Variants in ST18 observed in about 807,000 individuals in gnomAD.
ST18 encodes the protein ST18 C2H2C-type zinc finger transcription factor.
In ST18, 50 loss-of-function variants were observed where a neutral mutation model predicts 110.0. That is an observed-to-expected ratio of 0.45 (90% CI 0.36 to 0.58). The LOEUF is 0.58. Among genes scored for constraint, ST18 ranks in the 20% least tolerant of loss-of-function variants. The pLI is 0.00. For missense variants in ST18, 1,306 were observed against 1,280.1 expected, an observed-to-expected ratio of 1.02 and a Z score of -0.31; for synonymous variants, 461 against 452.4, an observed-to-expected ratio of 1.02 and a Z score of -0.24.
chr8:52,274,532 T>C (rs2095175727), intron 2 of ST18, among the ~76,000 whole-genome samples: 2 of 141,218 alleles, frequency 1.4e-5, no homozygotes, highest in Non-Finnish European at 2.9e-5. Flanking sequence ...AGTTTCTTTT[T>C]TTCGTTCTGT....
At chr8:52,326,218 A>G (rs570461788) in intron 2 of ST18, among the ~76,000 whole-genome samples, 2 of 152,322 alleles carry the variant, frequency 1.3e-5, no homozygotes, top group East Asian at 3.9e-4. Context: ...CGATCTTACC[A>G]TGGAGTCTCA....
chr8:52,135,181 T>C (rs1245990473), intron 19 of ST18, among the ~76,000 whole-genome samples: 6 of 152,216 alleles, frequency 3.9e-5, no homozygotes, highest in Non-Finnish European at 4.4e-5. Flanking sequence ...AGTCTCTACT[T>C]ACTACTTATA....
At chr8:52,339,048 G>A (rs958484961) in intron 2 of ST18, among the ~76,000 whole-genome samples, 3 of 152,102 alleles carry the variant, frequency 2.0e-5, no homozygotes, top group African/African-American at 7.2e-5. Flanking sequence ...TTGCAAAGTG[G>A]CTGGGTTCTC....
chr8:52,116,685 A>G (rs929341668), intron 24 of ST18, among the ~76,000 whole-genome samples: 3 of 152,200 alleles, frequency 2.0e-5, no homozygotes, highest in African/African-American at 7.2e-5. Flanking sequence ...CAAACTCAAC[A>G]TGTTTAAAGT....
At chr8:52,296,145 C>T (rs1031566979) in intron 2 of ST18, among the ~76,000 whole-genome samples, 4 of 152,070 alleles carry the variant, frequency 2.6e-5, no homozygotes, top group Non-Finnish European at 5.9e-5. Context: ...TAGTGCAATG[C>T]TGGGGGGAAG....
chr8:52,216,893 G>A (rs913220064), intron 6 of ST18, among the ~76,000 whole-genome samples: 7 of 152,190 alleles, frequency 4.6e-5, no homozygotes, highest in Non-Finnish European at 1.0e-4. Context: ...GTCAGTGTGT[G>A]TGTTCAGGCC....
chr8:52,212,736 T>C (rs1429574157), intron 7 of ST18, among the ~76,000 whole-genome samples: 1 of 152,144 alleles, frequency 6.6e-6, no homozygotes, highest in Admixed American at 6.5e-5. Flanking sequence ...AGACAACAGG[T>C]GGTTTTAAAG....
chr8:52,239,827 TC>T (rs1338893020), intron 2 of ST18, among the ~76,000 whole-genome samples: 2 of 152,084 alleles, frequency 1.3e-5, no homozygotes, highest in Non-Finnish European at 2.9e-5. Context: ...CAGGTCTCAC[TC>T]TGTCACCCAG....
In ST18 at chr8:52,123,961, CT is replaced by C. The variant is rs1482506253; in HGVS notation, c.2755+2090del. ...TCATAAGAAATATTTTCTTCATGCACTGGGTTCCAGAAGGAGTTTTGCTCTG... is the reference window on the plus strand; with the variant it reads ...TCATAAGAAATATTTTCTTCATGCACGGGTTCCAGAAGGAGTTTTGCTCTG... On this transcript the variant is annotated intron_variant, in intron 23 of 25. Transcript: ENST00000689386. Among the ~76,000 whole-genome samples, 9 of 152,294 alleles carry C rather than the reference CT, an allele frequency of 5.9e-5. No homozygotes were observed. In the South Asian group the frequency reaches 1.9e-3, roughly 32 times the overall value.
chr8:52,346,126 A>G (rs969798830), intron 2 of ST18, among the ~76,000 whole-genome samples: 2 of 151,772 alleles, frequency 1.3e-5, no homozygotes, highest in African/African-American at 4.8e-5. Flanking sequence ...GTGACATATT[A>G]TATTCACACA....
intron 8 of ST18, among the ~76,000 whole-genome samples, chr8:52,207,552 T>C (rs546908010): frequency 2.1e-4 from 32 of 152,212 alleles, no homozygotes; most frequent in Non-Finnish European, 4.3e-4. Context: ...GCTCATAAAA[T>C]ATTTAACATT....
At position 52,379,189 on chromosome 8, in the gene ST18, C is replaced by T. The variant is rs139875119; in HGVS notation, c.-465+30139G>A. Reference sequence around the variant, plus strand: ...TCTCAGCCACTGCAACCTCTGCCTCCCAGGTTCAAGCGATTCTCCTGCCTC... The same window carrying T: ...TCTCAGCCACTGCAACCTCTGCCTCTCAGGTTCAAGCGATTCTCCTGCCTC... On this transcript the variant is annotated intron_variant, in intron 2 of 25. Transcript: ENST00000689386. Among the ~76,000 whole-genome samples the T allele has an allele frequency of 1.6e-3, 242 of 151,710 alleles. 1 individual carries two copies. The highest frequency in any genetic ancestry group is 5.4e-3 in the African/African-American group (224 of 41,350).
At chr8:52,253,743 A>G (rs1458782398) in intron 2 of ST18, among the ~76,000 whole-genome samples, 6 of 152,112 alleles carry the variant, frequency 3.9e-5, no homozygotes, top group Admixed American at 2.6e-4. Flanking sequence ...AATTTTTGCA[A>G]TCTCATAAAT....
intron 5 of ST18, among the ~76,000 whole-genome samples, chr8:52,218,554 ATTTTTTTTTTTTT>A (rs745791743): frequency 2.0e-5 from 2 of 100,890 alleles, no homozygotes; most frequent in African/African-American, 8.0e-5. Flanking sequence ...TGCCTGGCTA[ATTTTTTTTTTTTT>A]TTTTTTTTTT....
chr8:52,311,039 A>T (rs1389797026), intron 2 of ST18, among the ~76,000 whole-genome samples: 2 of 152,232 alleles, frequency 1.3e-5, no homozygotes, highest in Admixed American at 6.5e-5. Context: ...TGCACATGGA[A>T]ACGAACTAAA....
intron 2 of ST18, among the ~76,000 whole-genome samples, chr8:52,240,014 G>A (rs1030476108): frequency 2.6e-5 from 4 of 151,938 alleles, no homozygotes; most frequent in Non-Finnish European, 4.4e-5. Context: ...GGCTAGTCTC[G>A]AACTGCTGGG....
rs373649274 is a variant in ST18, at chr8:52,159,132, G to A, written c.1595-23C>T. ...TTGCTGTTGAAGAGAGATTTGATTA[G>A]CAATTGCATGTACATGGTTTTAGTC... On this transcript the variant is annotated intron_variant, in intron 14 of 25. Coordinates refer to ENST00000689386, the MANE Select transcript of ST18 (RefSeq NM_001352837.2). The A allele has an allele frequency of 3.7e-6, 6 of 1,603,052 alleles. No homozygotes were observed. The African/African-American group carries it at 6.7e-5, about 18-fold the overall frequency.
intron 3 of ST18, among the ~76,000 whole-genome samples, chr8:52,229,483 C>T (rs543046615): frequency 6.6e-6 from 1 of 152,288 alleles, no homozygotes; most frequent in South Asian, 2.1e-4. Context: ...CAGCCCACTC[C>T]TTTTTCGGTG....
At chr8:52,324,766 T>G (rs557363461) in intron 2 of ST18, among the ~76,000 whole-genome samples, 1 of 152,232 alleles carries the variant, frequency 6.6e-6, no homozygotes, top group Non-Finnish European at 1.5e-5. Flanking sequence ...AAAAATGACC[T>G]GATATTCATT....
Sources: allele counts gnomAD v4.1 joint callset (sites outside exome capture counted in the v4.1 genomes callset), GRCh38; gene constraint gnomAD v4.1.1; transcripts MANE v1.5; gene names NCBI Gene and HGNC (gene_info 2026-07-23, HGNC 2026-07-21).